Variants in DCPS observed in about 807,000 individuals in gnomAD.
DCPS encodes decapping enzyme, scavenger.
In DCPS, 27 loss-of-function variants were observed where a neutral mutation model predicts 34.7. The ratio of observed to expected loss-of-function variants is 0.78; its 90% CI spans 0.57 to 1.07. The LOEUF (loss-of-function observed/expected upper bound fraction) is 1.07, where lower values mean the gene tolerates loss of function less well. Among genes scored for constraint, DCPS ranks in the 50% least tolerant of loss-of-function variants. DCPS has a pLI of 0.00. For missense variants in DCPS, 464 were observed against 436.9 expected, an observed-to-expected ratio of 1.06 and a Z score of -0.55; for synonymous variants, 185 against 185.7, an observed-to-expected ratio of 1.00 and a Z score of 0.03.
intron 2 of DCPS, among the ~76,000 whole-genome samples, chr11:126,321,049 G>A (rs1951702440): frequency 6.6e-6 from 1 of 151,970 alleles, no homozygotes; most frequent in Non-Finnish European, 1.5e-5. Context: ...TGAGTCAAGA[G>A]TTGGAGATTA....
rs118032362 is a variant in DCPS at position 126,337,182 on chromosome 11, C to T, written c.523-1104C>T. On this transcript the variant is annotated intron_variant, in intron 3 of 5. Coordinates refer to ENST00000263579, the MANE Select transcript of DCPS (RefSeq NM_014026.6). This position sits in a 1 kb window ranked among gnomAD's most constrained non-coding sequence, Gnocchi z 5.3. ...GTTCCCTGGCCTCCCCATCCCACCT[C>T]GTGTCCATGGCTCCTTCTCCTACAT... 0.017 allele frequency: 2,551 copies of T among 152,362 alleles called. 27 individuals are homozygous for T. The highest frequency in any genetic ancestry group is 0.024 in the Middle Eastern group (7 of 294). The allele number at this position is 152,362 out of a possible 1,614,324, so 9.4% of individuals were successfully genotyped here.
At position 126,319,322 on chromosome 11, in the gene DCPS, G is replaced by A. The variant is rs1951685899; in HGVS notation, c.377-12083G>A. On this transcript the variant is annotated intron_variant, in intron 2 of 5. Coordinates refer to ENST00000263579, the MANE Select transcript of DCPS (RefSeq NM_014026.6). This position sits in a 1 kb window ranked among gnomAD's most constrained non-coding sequence, Gnocchi z 4.5. ...GCTATACTTGGTAGGGGAGGTGGTAGGGGACAGGATGGTACCACAAATGTA... is the reference window on the plus strand; with the variant it reads ...GCTATACTTGGTAGGGGAGGTGGTAAGGGACAGGATGGTACCACAAATGTA... Among the ~76,000 whole-genome samples, 1 of 152,140 alleles carries A rather than the reference G, an allele frequency of 6.6e-6. No homozygotes were observed. The highest frequency in any genetic ancestry group is 6.5e-5 in the Admixed American group (1 of 15,280).
At position 126,338,275 on chromosome 11, in the gene DCPS, C is replaced by G. The variant is rs747456482; in HGVS notation, c.523-11C>G. ...TGGATTTGTGAACCATCTCTCTCCC[C>G]CTCCTTTCAGTGGGTGTATAACATT... On this transcript the variant is annotated splice_polypyrimidine_tract_variant and intron_variant, in intron 3 of 5. Transcript: ENST00000263579. The surrounding 1 kb of genome is among the most constrained non-coding windows in gnomAD (Gnocchi z 5.4). 13 of 1,613,414 alleles carry G rather than the reference C, an allele frequency of 8.1e-6. No individual in the cohort carries two copies. The highest frequency in any genetic ancestry group is 6.7e-5 in the Admixed American group (4 of 59,986).
In DCPS at chr11:126,325,102, G is replaced by A. The variant is rs566229821; in HGVS notation, c.377-6303G>A. Among the ~76,000 whole-genome samples the A allele has an allele frequency of 6.6e-6, 1 of 152,110 alleles. No individual in the cohort carries two copies. Among genetic ancestry groups the A allele is most frequent in the Non-Finnish European group, 1.5e-5 (1 of 68,020 alleles). On this transcript the variant is annotated intron_variant, in intron 2 of 5. Coordinates refer to ENST00000263579, the MANE Select transcript of DCPS (RefSeq NM_014026.6). This position sits in a 1 kb window ranked among gnomAD's most constrained non-coding sequence, Gnocchi z 4.3. ...CTCGGGTTGCTGAGGCACGAGAATCGCTTGAACCCAGGAGGTGGAGGTTGC... is the reference window on the plus strand; with the variant it reads ...CTCGGGTTGCTGAGGCACGAGAATCACTTGAACCCAGGAGGTGGAGGTTGC...
rs1459681210 is a variant in DCPS, at chr11:126,333,426, T to C, written c.522+1876T>C. On this transcript the variant is annotated intron_variant, in intron 3 of 5. Coordinates refer to ENST00000263579, the MANE Select transcript of DCPS (RefSeq NM_014026.6). The surrounding 1 kb of genome is among the most constrained non-coding windows in gnomAD (Gnocchi z 5.7). ...GGAAGATAGACTTGTAAACGGGCAA[T>C]TGTGACAATGGGATAAGCACTCTGA... 6.6e-6 allele frequency among the ~76,000 whole-genome samples: 1 copy of C among 152,134 alleles called. No homozygotes were observed. The highest frequency in any genetic ancestry group is 2.4e-5 in the African/African-American group (1 of 41,422).
chr11:126,327,857 G>A lies in DCPS; in HGVS notation c.377-3548G>A, dbSNP rs572195408. Among the ~76,000 whole-genome samples the A allele has an allele frequency of 3.0e-4, 46 of 152,318 alleles. No individual in the cohort carries two copies. Among genetic ancestry groups the A allele is most frequent in the Non-Finnish European group, 1.2e-4 (8 of 68,040 alleles). On this transcript the variant is annotated intron_variant, in intron 2 of 5. Coordinates refer to ENST00000263579, the MANE Select transcript of DCPS (RefSeq NM_014026.6). This position sits in a 1 kb window ranked among gnomAD's most constrained non-coding sequence, Gnocchi z 4.1. ...TGCTGGGGACAAATTGTTTTCTTCC[G>A]GAAGCTGCATAGTAGTTGGGGAGTC...
rs1023363817 is a variant in DCPS at position 126,348,482 on chromosome 11, T to C, written c.*2869T>C. 1.8e-4 allele frequency among the ~76,000 whole-genome samples: 27 copies of C among 152,232 alleles called. No homozygotes were observed. The highest frequency in any genetic ancestry group is 1.8e-3 in the Admixed American group (27 of 15,284). On this transcript the variant is annotated 3_prime_UTR_variant, in exon 6 of 6. Coordinates refer to ENST00000263579, the MANE Select transcript of DCPS (RefSeq NM_014026.6). This position sits in a 1 kb window ranked among gnomAD's most constrained non-coding sequence, Gnocchi z 5.3. ...CTGCTGCTGTAATCTCCAGGGACCC[T>C]GCCGGCCACGGCCCCCATGCAGCTC...
At chr11:126,309,976 T>C (rs1302545203) in intron 2 of DCPS, among the ~76,000 whole-genome samples, 1 of 152,224 alleles carries the variant, frequency 6.6e-6, no homozygotes, top group Non-Finnish European at 1.5e-5. Flanking sequence ...GTTTGCTGAT[T>C]GTACAAATAG....
chr11:126,347,914 C>T lies in DCPS; in HGVS notation c.*2301C>T, dbSNP rs552840110. ...ACAACTGCCACGGAGCAGAGGGAGGCCTCCCTGTGGAGCAGCCCTTCCCTG... is the reference window on the plus strand; with the variant it reads ...ACAACTGCCACGGAGCAGAGGGAGGTCTCCCTGTGGAGCAGCCCTTCCCTG... On this transcript the variant is annotated 3_prime_UTR_variant, in exon 6 of 6. Transcript: ENST00000263579. This position sits in a 1 kb window ranked among gnomAD's most constrained non-coding sequence, Gnocchi z 4.2. 7.9e-5 allele frequency among the ~76,000 whole-genome samples: 12 copies of T among 152,266 alleles called. No individual in the cohort carries two copies. Among genetic ancestry groups the T allele is most frequent in the Non-Finnish European group, 1.6e-4 (11 of 68,008 alleles).
rs539501396 is a variant in DCPS, at chr11:126,305,762, G to T, written c.202-808G>T. Among the ~76,000 whole-genome samples, 6 of 152,188 alleles carry T rather than the reference G, an allele frequency of 3.9e-5. No homozygotes were observed. The East Asian group carries it at 1.2e-3, about 29-fold the overall frequency. On this transcript the variant is annotated intron_variant, in intron 1 of 5. Coordinates refer to ENST00000263579, the MANE Select transcript of DCPS (RefSeq NM_014026.6). ...TTTGTTTGTTTGTTTGTTTGTTTTT[G>T]TTTCTTGTTTTCTGTTTTTTTGTAT...
rs1333381456 is a variant in DCPS at position 126,338,091 on chromosome 11, G to T, written c.523-195G>T. On this transcript the variant is annotated intron_variant, in intron 3 of 5. Coordinates refer to ENST00000263579, the MANE Select transcript of DCPS (RefSeq NM_014026.6). This position sits in a 1 kb window ranked among gnomAD's most constrained non-coding sequence, Gnocchi z 5.4. ...GAGTGCCAGCTGGAGTGGGAAGGGGGAAGTCCCTTCTGGACCCCTAAGAAC... is the reference window on the plus strand; with the variant it reads ...GAGTGCCAGCTGGAGTGGGAAGGGGTAAGTCCCTTCTGGACCCCTAAGAAC... 7 of 590,266 alleles carry T rather than the reference G, an allele frequency of 1.2e-5. No individual in the cohort carries two copies. Among genetic ancestry groups the T allele is most frequent in the East Asian group, 2.9e-5 (1 of 34,922 alleles). 36.6% of individuals were successfully genotyped at this position (590,266 alleles called of 1,614,324 possible).
rs542425327 is a variant in DCPS, at chr11:126,346,450, T to C, written c.*837T>C. ...ATCAGAGGCAGATGTTCAGAGGATCTTGAGACCAGGAAGGGACCTCAAAGC... is the reference window on the plus strand; with the variant it reads ...ATCAGAGGCAGATGTTCAGAGGATCCTGAGACCAGGAAGGGACCTCAAAGC... On this transcript the variant is annotated 3_prime_UTR_variant, in exon 6 of 6. Transcript: ENST00000263579. The surrounding 1 kb of genome is among the most constrained non-coding windows in gnomAD (Gnocchi z 4.1). Among the ~76,000 whole-genome samples the C allele has an allele frequency of 6.6e-6, 1 of 152,346 alleles. No homozygotes were observed. The highest frequency in any genetic ancestry group is 2.1e-4 in the South Asian group (1 of 4,832).
Position 126,306,632 on chromosome 11 carries a change from A to G in DCPS, c.264A>G (p.Pro88=), listed in dbSNP as rs139850206. Residue 88 remains proline, a synonymous_variant, in exon 2 of 6, where the codon CCA becomes CCG. Coordinates refer to ENST00000263579, the MANE Select transcript of DCPS (RefSeq NM_014026.6). ...EDAVVILEKT[P]FQVEQVAQLL... is the part of the protein sequence containing the mutation. ...CCGTTGTGATCCTGGAGAAGACGCC[A>G]TTTCAGGTGGAACAGGTGGCTCAGC... The G allele has an allele frequency of 1.9e-6, 3 of 1,613,902 alleles. No homozygotes were observed. Among genetic ancestry groups the G allele is most frequent in the Non-Finnish European group, 8.5e-7 (1 of 1,179,888 alleles).
At position 126,318,839 on chromosome 11, in the gene DCPS, A is replaced by C. The variant is rs150551377; in HGVS notation, c.376+12095A>C. ...AGTCTTGTTTGAACATGTGTATGGG[A>C]AGGAGAGCAGACTGTCTGTGGTTTG... is the stretch of plus-strand genomic sequence containing the variant. On this transcript the variant is annotated intron_variant, in intron 2 of 5. Coordinates refer to ENST00000263579, the MANE Select transcript of DCPS (RefSeq NM_014026.6). 3.0e-3 allele frequency among the ~76,000 whole-genome samples: 463 copies of C among 152,326 alleles called. 1 individual carries two copies. The highest frequency in any genetic ancestry group is 0.01 in the African/African-American group (426 of 41,574).
Position 126,337,666 on chromosome 11 carries a change from A to G in DCPS, c.523-620A>G, listed in dbSNP as rs1349651478. 1 of 153,454 alleles carries G rather than the reference A, an allele frequency of 6.5e-6. No homozygotes were observed. The highest frequency in any genetic ancestry group is 2.4e-5 in the African/African-American group (1 of 41,442). The allele number at this position is 153,454 out of a possible 1,614,324, so 9.5% of individuals were successfully genotyped here. ...TGCTTTGCCATGCGGGGTCTGTGTC[A>G]GCAGAGACTGCTGATAAACCGGCAT... is the stretch of plus-strand genomic sequence containing the variant. On this transcript the variant is annotated intron_variant, in intron 3 of 5. Coordinates refer to ENST00000263579, the MANE Select transcript of DCPS (RefSeq NM_014026.6). The surrounding 1 kb of genome is among the most constrained non-coding windows in gnomAD (Gnocchi z 5.3).
At position 126,347,929 on chromosome 11, in the gene DCPS, G is replaced by C. The variant is rs1230757540; in HGVS notation, c.*2316G>C. 4.6e-5 allele frequency among the ~76,000 whole-genome samples: 7 copies of C among 152,132 alleles called. No individual in the cohort carries two copies. Among genetic ancestry groups the C allele is most frequent in the African/African-American group, 1.2e-4 (5 of 41,446 alleles). ...CAGAGGGAGGCCTCCCTGTGGAGCA[G>C]CCCTTCCCTGTGGCCTCAGCCCATG... On this transcript the variant is annotated 3_prime_UTR_variant, in exon 6 of 6. Coordinates refer to ENST00000263579, the MANE Select transcript of DCPS (RefSeq NM_014026.6). This position sits in a 1 kb window ranked among gnomAD's most constrained non-coding sequence, Gnocchi z 4.2.
In DCPS at chr11:126,333,420, G is replaced by A. The variant is rs1394054026; in HGVS notation, c.522+1870G>A. Among the ~76,000 whole-genome samples the A allele has an allele frequency of 6.6e-6, 1 of 152,140 alleles. No homozygotes were observed. On this transcript the variant is annotated intron_variant, in intron 3 of 5. Coordinates refer to ENST00000263579, the MANE Select transcript of DCPS (RefSeq NM_014026.6). This position sits in a 1 kb window ranked among gnomAD's most constrained non-coding sequence, Gnocchi z 5.7. The stretch of plus-strand genomic sequence containing the variant: ...TAACAGGGAAGATAGACTTGTAAAC[G>A]GGCAATTGTGACAATGGGATAAGCA...
chr11:126,337,550 C>T lies in DCPS; in HGVS notation c.523-736C>T, dbSNP rs1220533266. ...CTGCAGACTGTTGACAGCAGCTGAT[C>T]CAAGGGTGACACAAGGGCTGGGAGC... is the stretch of plus-strand genomic sequence containing the variant. On this transcript the variant is annotated intron_variant, in intron 3 of 5. Transcript: ENST00000263579. The surrounding 1 kb of genome is among the most constrained non-coding windows in gnomAD (Gnocchi z 5.3). 1 of 152,290 alleles carries T rather than the reference C, an allele frequency of 6.6e-6. No individual in the cohort carries two copies. Among genetic ancestry groups the T allele is most frequent in the African/African-American group, 2.4e-5 (1 of 41,338 alleles). The allele number at this position is 152,290 out of a possible 1,614,324, so 9.4% of individuals were successfully genotyped here.
rs1951812654 is a variant in DCPS at position 126,334,054 on chromosome 11, T to C, written c.522+2504T>C. 6.6e-6 allele frequency among the ~76,000 whole-genome samples: 1 copy of C among 152,164 alleles called. No homozygotes were observed. The highest frequency in any genetic ancestry group is 1.5e-5 in the Non-Finnish European group (1 of 68,040). The stretch of plus-strand genomic sequence containing the variant: ...AGACTGGGAAAAACCAGTATGGGTC[T>C]GAACCAAGGTAGGGACAGTGGGGAA... On this transcript the variant is annotated intron_variant, in intron 3 of 5. Transcript: ENST00000263579. This position sits in a 1 kb window ranked among gnomAD's most constrained non-coding sequence, Gnocchi z 5.5.
Sources: allele counts gnomAD v4.1 joint callset (sites outside exome capture counted in the v4.1 genomes callset), GRCh38; gene constraint gnomAD v4.1.1; non-coding constraint Gnocchi (gnomAD v3.1); transcripts MANE v1.5; gene names NCBI Gene and HGNC (gene_info 2026-07-23, HGNC 2026-07-21).